Variants in CRYBG2 observed in about 807,000 individuals in gnomAD.
The protein encoded by CRYBG2 is crystallin beta-gamma domain containing 2, also known as beta/gamma crystallin domain-containing protein 2.
Under a neutral mutation model 153.4 loss-of-function variants are expected in CRYBG2, and 106 were observed. That is an observed-to-expected ratio of 0.69 (90% CI 0.59 to 0.81). The LOEUF (loss-of-function observed/expected upper bound fraction) is 0.81, where lower values mean the gene tolerates loss of function less well. CRYBG2 is among the 30% of genes least tolerant of loss of function. The probability of loss-of-function intolerance (pLI) is 0.00; values close to 1 mark genes in which losing one functional copy is unlikely to be tolerated. For missense variants in CRYBG2, 1,996 were observed against 2,112.0 expected, an observed-to-expected ratio of 0.95 and a Z score of 1.08; for synonymous variants, 851 against 877.8, an observed-to-expected ratio of 0.97 and a Z score of 0.54.
At chr1:26,334,908 C>T (rs1052672915) in intron 14 of CRYBG2, among the ~76,000 whole-genome samples, 2 of 151,630 alleles carry the variant, frequency 1.3e-5, no homozygotes, top group African/African-American at 2.4e-5. Flanking sequence ...GGCGACAGAG[C>T]GAGACTCCAT....
Position 26,346,807 on chromosome 1 carries a change from C to T in CRYBG2, c.-55-95G>A. ...CCCCTACCCAAGTCAGGCTGGGAACCTCAGGCAAATCGCTTGGCCTTTTTG... is the reference window on the plus strand; with the variant it reads ...CCCCTACCCAAGTCAGGCTGGGAACTTCAGGCAAATCGCTTGGCCTTTTTG... On this transcript the variant is annotated intron_variant, in intron 1 of 19. Transcript: ENST00000308182. The surrounding 1 kb of genome is among the most constrained non-coding windows in gnomAD (Gnocchi z 4.9). 1.2e-6 allele frequency: 1 copy of T among 804,878 alleles called. No individual in the cohort carries two copies. The highest frequency in any genetic ancestry group is 1.9e-6 in the Non-Finnish European group (1 of 532,668). The allele number at this position is 804,878 out of a possible 1,614,324, so 49.9% of individuals were successfully genotyped here.
In CRYBG2 at chr1:26,343,351, C is replaced by T; in HGVS notation, c.2914-58G>A. The T allele has an allele frequency of 6.6e-7, 1 of 1,525,526 alleles. No individual in the cohort carries two copies. The highest frequency in any genetic ancestry group is 8.9e-7 in the Non-Finnish European group (1 of 1,124,682). The allele number at this position is 1,525,526 out of a possible 1,614,324, so 94.5% of individuals were successfully genotyped here. On this transcript the variant is annotated intron_variant, in intron 2 of 19. Coordinates refer to ENST00000308182, the MANE Select transcript of CRYBG2 (RefSeq NM_001039775.4). This position sits in a 1 kb window ranked among gnomAD's most constrained non-coding sequence, Gnocchi z 4.1. ...TGGGGTCACCTCTTTTCTGCCTCCC[C>T]ACAACCCGCCATTCCAAGGATCCCA... is the stretch of plus-strand genomic sequence containing the variant.
intron 1 of CRYBG2, among the ~76,000 whole-genome samples, chr1:26,353,255 T>C (rs2124075675): frequency 6.6e-6 from 1 of 152,216 alleles, no homozygotes; most frequent in East Asian, 1.9e-4. Flanking sequence ...AAATTATGCT[T>C]AGAAAACAAA....
chr1:26,328,314 G>C lies in CRYBG2; in HGVS notation c.4473C>G (p.His1491Gln), dbSNP rs1349142307. 1.9e-6 allele frequency: 3 copies of C among 1,572,180 alleles called. No individual in the cohort carries two copies. The highest frequency in any genetic ancestry group is 2.6e-6 in the Non-Finnish European group (3 of 1,158,010). The change falls in exon 17 of 20, where the codon CAC becomes CAG. Residue 1491 changes from histidine to glutamine, a missense_variant. By Grantham distance (24) the His-to-Gln change is conservative. Transcript: ENST00000308182. ...GCCACTGGCGGCCCCGGAAGTCACT[G>C]TGTTCACATAGCACCCAACTGGGCC... Reference protein sequence around the residue: ...IKGGIWVLCEHSDFRGRQWLV... With the variant: ...IKGGIWVLCEQSDFRGRQWLV...
At chr1:26,322,388 C>T in intron 18 of CRYBG2, 65 bp from the exon 19 acceptor site, 2 of 1,531,624 alleles carry the variant, frequency 1.3e-6, no homozygotes. Flanking sequence ...ACCCAAGAAA[C>T]CCTTGACCCA....
At chr1:26,340,043 G>T (rs1373714588) in intron 5 of CRYBG2, among the ~76,000 whole-genome samples, 1 of 152,204 alleles carries the variant, frequency 6.6e-6, no homozygotes, top group Admixed American at 6.5e-5. Flanking sequence ...CCTGGTGGGA[G>T]GATGGGCAAG....
chr1:26,338,082 A>G (rs1274496401), intron 7 of CRYBG2, 35 bp from the exon 8 acceptor site: 1 of 1,609,800 alleles, frequency 6.2e-7, no homozygotes, highest in Non-Finnish European at 8.5e-7. Context: ...ACCAGCCCAG[A>G]GATGGGAAAG....
At chr1:26,323,606 T>C (rs2073885951) in intron 18 of CRYBG2, among the ~76,000 whole-genome samples, 1 of 152,130 alleles carries the variant, frequency 6.6e-6, no homozygotes. Flanking sequence ...TAAATCTACC[T>C]TTTCTCTTAT....
chr1:26,338,601 T>G, intron 6 of CRYBG2, 124 bp from the exon 7 acceptor site: 1 of 1,129,290 alleles, frequency 8.9e-7, no homozygotes, highest in Non-Finnish European at 1.2e-6. Flanking sequence ...ATCAGTCTCG[T>G]ATAATCTCTT....
In CRYBG2 at chr1:26,336,486, G is replaced by A; in HGVS notation, c.4039-116C>T. On this transcript the variant is annotated intron_variant, in intron 12 of 19. Coordinates refer to ENST00000308182, the MANE Select transcript of CRYBG2 (RefSeq NM_001039775.4). The surrounding 1 kb of genome is among the most constrained non-coding windows in gnomAD (Gnocchi z 4.9). ...CGCCCTCGGCCCCGCCCCCTTCTAA[G>A]GCCCCGCCCCAAGCGCCCAGGCAGG... 1 of 1,547,188 alleles carries A rather than the reference G, an allele frequency of 6.5e-7. No individual in the cohort carries two copies. Among genetic ancestry groups the A allele is most frequent in the Non-Finnish European group, 8.7e-7 (1 of 1,144,282 alleles).
At chr1:26,342,723 C>T (rs762425405) in intron 5 of CRYBG2, 31 bp downstream of exon 5, 12 of 1,605,940 alleles carry the variant, frequency 7.5e-6, no homozygotes, top group African/African-American at 4.0e-5. Context: ...TCTAGGCACT[C>T]GAGGCCGTCT....
rs772759101 is a variant in CRYBG2 at position 26,345,994 on chromosome 1, C to T, written c.664G>A (p.Val222Met). 2 of 1,593,776 alleles carry T rather than the reference C, an allele frequency of 1.3e-6. No homozygotes were observed. Among genetic ancestry groups the T allele is most frequent in the Admixed American group, 1.7e-5 (1 of 59,690 alleles). Residue 222 changes from valine to methionine, a missense_variant, in exon 2 of 20, where the codon GTG becomes ATG. Physicochemically the swap from Val to Met is conservative, Grantham distance 21. Coordinates refer to ENST00000308182, the MANE Select transcript of CRYBG2 (RefSeq NM_001039775.4). ...QVSRMVPPVV[V>M]GSPPGSPSRS... The stretch of plus-strand genomic sequence containing the variant: ...CTGGGCGAGCCTGGTGGGGAGCCCA[C>T]CACCACTGGCGGCACCATGCGGGAG...
chr1:26,338,576 T>A, intron 6 of CRYBG2, 99 bp from the exon 7 acceptor site: 1 of 1,336,786 alleles, frequency 7.5e-7, no homozygotes, highest in Non-Finnish European at 1.0e-6. Flanking sequence ...AAGGAGGTTT[T>A]CTGGGGAGGT....
chr1:26,331,694 A>G lies in CRYBG2; in HGVS notation c.4185-76T>C, dbSNP rs543458756. 6.4e-6 allele frequency: 10 copies of G among 1,571,972 alleles called. No individual in the cohort carries two copies. In the East Asian group the frequency reaches 9.0e-5, roughly 14 times the overall value. ...TGCCCAGGTTCCCCTGAGATACAGA[A>G]GAGGGAATGCAGACTTGATCATGAT... On this transcript the variant is annotated intron_variant, in intron 14 of 19. Coordinates refer to ENST00000308182, the MANE Select transcript of CRYBG2 (RefSeq NM_001039775.4).
chr1:26,336,690 G>T lies in CRYBG2; in HGVS notation c.3954C>A (p.Tyr1318Ter), dbSNP rs761486412. ...YQEVGFSGEQ[Y>*]VLEKGVYRNC... Reference sequence around the variant, plus strand: ...TACGATACACGCCCTTCTCCAGCACGTACTGTTCCCCGGAGAAGCCCACCT... The same window carrying T: ...TACGATACACGCCCTTCTCCAGCACTTACTGTTCCCCGGAGAAGCCCACCT... The change falls in exon 12 of 20, where the codon TAC (tyrosine) becomes TAA (stop). Residue 1318 changes from tyrosine to a stop codon, truncating the protein, a stop_gained. Coordinates refer to ENST00000308182, the MANE Select transcript of CRYBG2 (RefSeq NM_001039775.4). LOFTEE classifies it high-confidence loss of function. The surrounding 1 kb of genome is among the most constrained non-coding windows in gnomAD (Gnocchi z 4.9). 3 of 1,569,066 alleles carry T rather than the reference G, an allele frequency of 1.9e-6. No homozygotes were observed. The highest frequency in any genetic ancestry group is 1.7e-6 in the Non-Finnish European group (2 of 1,156,626).
chr1:26,344,653 T>C lies in CRYBG2; in HGVS notation c.2005A>G (p.Ile669Val), dbSNP rs35433596. ...TTGGGGAGTGAGGTGGCAGGAGCAA[T>C]TGGGCCTTGAACAGTCTCTTCCTTG... Reference protein sequence around the residue: ...LTKEETVQGPIAPATSLPKQD... With the variant: ...LTKEETVQGPVAPATSLPKQD... Residue 669 changes from isoleucine (I) to valine (V), a missense_variant, in exon 2 of 20, where the codon ATT (isoleucine) becomes GTT (valine). Transcript: ENST00000308182. 61,045 of 1,535,096 alleles carry C rather than the reference T, an allele frequency of 0.04. 1,412 individuals are homozygous for C. The highest frequency in any genetic ancestry group is 0.047 in the Non-Finnish European group (53,582 of 1,146,328).
Position 26,344,246 on chromosome 1 carries a change from C to T in CRYBG2, c.2412G>A (p.Glu804=). 1 of 1,534,788 alleles carries T rather than the reference C, an allele frequency of 6.5e-7. No individual in the cohort carries two copies. Among genetic ancestry groups the T allele is most frequent in the Middle Eastern group, 1.7e-4 (1 of 5,976 alleles). The part of the protein sequence containing the change: ...LSMYATLPAI[E]EDQLGPWVLG... ...GCACCCATGGCCCCAGCTGGTCCTC[C>T]TCAATGGCAGGCAGCGTGGCGTACA... Residue 804 remains glutamate, a synonymous_variant, in exon 2 of 20, where the codon GAG becomes GAA. Coordinates refer to ENST00000308182, the MANE Select transcript of CRYBG2 (RefSeq NM_001039775.4).
At chr1:26,326,265 T>C (rs915920709) in intron 17 of CRYBG2, among the ~76,000 whole-genome samples, 2 of 152,064 alleles carry the variant, frequency 1.3e-5, no homozygotes, top group South Asian at 4.1e-4. Context: ...AGGCTGGGCA[T>C]GGTAGCTCAC....
In CRYBG2 at chr1:26,338,422, C is replaced by T; in HGVS notation, c.3400G>A (p.Gly1134Arg). The change falls in exon 7 of 20, where the codon GGA becomes AGA. Residue 1134 changes from glycine to arginine, a missense_variant. Transcript: ENST00000308182. ...CAGGCCTCTGAGGTGGGGTACTCTC[C>T]AGGTTCCAGGATGTAGGGAGTGTCT... ...FEDTPYILEPGEYPTSEAWGT... is the reference protein window; with the variant it reads ...FEDTPYILEPREYPTSEAWGT... The T allele has an allele frequency of 6.2e-7, 1 of 1,613,500 alleles. No individual in the cohort carries two copies.
Sources: gnomAD v4.1 joint callset for allele counts (sites outside exome capture counted in the v4.1 genomes callset) on GRCh38, gnomAD v4.1.1 for gene constraint, Gnocchi (gnomAD v3.1) non-coding constraint, MANE v1.5 for transcripts, NCBI Gene and HGNC (gene_info 2026-07-23, HGNC 2026-07-21) for gene names.